Variants in CTBS observed in about 807,000 individuals in gnomAD.
The protein encoded by CTBS is di-N-acetylchitobiase.
A neutral mutation model predicts 44.3 loss-of-function variants in CTBS; 35 were observed. The ratio of observed to expected loss-of-function variants is 0.79; its 90% CI spans 0.60 to 1.05. The LOEUF is 1.05. Ranked by LOEUF, CTBS falls within the 50% of genes least tolerant of loss-of-function variation. CTBS has a pLI of 0.00. For missense variants in CTBS, 458 were observed against 475.3 expected, an observed-to-expected ratio of 0.96 and a Z score of 0.34; for synonymous variants, 143 against 168.0, an observed-to-expected ratio of 0.85 and a Z score of 1.15.
Position 84,574,368 on chromosome 1 carries a change from C to A in CTBS, c.48G>T (p.Pro16=). ...LRRWRLVSSP[P]SGVPGLALLA... The stretch of plus-strand genomic sequence containing the variant: ...GCAGCGCTAGACCCGGGACGCCGCT[C>A]GGCGGGCTAGAGACGAGGCGCCAGC... The change falls in exon 1 of 7, where the codon CCG becomes CCT. Residue 16 remains proline, a synonymous_variant. Coordinates refer to ENST00000370630, the MANE Select transcript of CTBS (RefSeq NM_004388.3). 6.4e-7 allele frequency: 1 copy of A among 1,567,870 alleles called. No homozygotes were observed. Among genetic ancestry groups the A allele is most frequent in the South Asian group, 1.2e-5 (1 of 86,180 alleles).
chr1:84,563,910 A>C, intron 4 of CTBS, 78 bp from the exon 5 acceptor site: 1 of 1,429,416 alleles, frequency 7.0e-7, no homozygotes, highest in South Asian at 1.8e-5. Context: ...GCAACCGTTC[A>C]GAATCTGTTT....
chr1:84,561,257 G>A (rs545038938), intron 6 of CTBS, among the ~76,000 whole-genome samples: 1 of 152,174 alleles, frequency 6.6e-6, no homozygotes, highest in Non-Finnish European at 1.5e-5. Flanking sequence ...ATGACATTGA[G>A]GGGTTCAAGA....
rs1230265179 is a variant in CTBS at position 84,570,724 on chromosome 1, C to A, written c.178-4G>T. 2 of 1,610,968 alleles carry A rather than the reference C, an allele frequency of 1.2e-6. No homozygotes were observed. The stretch of plus-strand genomic sequence containing the variant: ...GTCCAACATCAAACACAAAGACCTG[C>A]CAGAACAAAGATGAGCACCATCATT... On this transcript the variant is annotated splice_polypyrimidine_tract_variant and splice_region_variant and intron_variant, in intron 1 of 6. Coordinates refer to ENST00000370630, the MANE Select transcript of CTBS (RefSeq NM_004388.3).
intron 6 of CTBS, among the ~76,000 whole-genome samples, chr1:84,561,706 C>T (rs1310662431): frequency 6.6e-6 from 1 of 152,148 alleles, no homozygotes; most frequent in Non-Finnish European, 1.5e-5. Flanking sequence ...CAACCACCAC[C>T]CTGATCAGTC....
chr1:84,558,293 CT>C (rs369890996), intron 6 of CTBS, among the ~76,000 whole-genome samples: 26,539 of 145,624 alleles, frequency 0.18, 2,443 homozygotes, highest in South Asian at 0.29. Context: ...TGCCATTAAA[CT>C]TTTTTTTTTT....
At position 84,551,153 on chromosome 1, in the gene CTBS, T is replaced by C; in HGVS notation, c.*3846A>G. 1 of 985,284 alleles carries C rather than the reference T, an allele frequency of 1.0e-6. No individual in the cohort carries two copies. Among genetic ancestry groups the C allele is most frequent in the Non-Finnish European group, 1.2e-6 (1 of 829,832 alleles). The allele number at this position is 985,284 out of a possible 1,614,324, so 61.0% of individuals were successfully genotyped here. A position where few individuals can be genotyped will look rare whatever the true frequency, so the allele number is the denominator to read the frequency against. On this transcript the variant is annotated 3_prime_UTR_variant, in exon 7 of 7. Coordinates refer to ENST00000370630, the MANE Select transcript of CTBS (RefSeq NM_004388.3). Reference sequence around the variant, plus strand: ...GAAGTACATATGTATTAAAAAGCTTTTTTGTTGAACAGAAAACAGAAGATT... The same window carrying C: ...GAAGTACATATGTATTAAAAAGCTTCTTTGTTGAACAGAAAACAGAAGATT...
In CTBS at chr1:84,553,174, G is replaced by A; in HGVS notation, c.*1825C>T. 9.5e-7 allele frequency: 1 copy of A among 1,055,844 alleles called. No homozygotes were observed. Among genetic ancestry groups the A allele is most frequent in the Non-Finnish European group, 1.4e-6 (1 of 739,994 alleles). 65.4% of individuals were successfully genotyped at this position (1,055,844 alleles called of 1,614,324 possible). Reference sequence around the variant, plus strand: ...TGTAAAAAAATTTAAATATGTATTTGAACAGATTTGTTTAACCATTATTCT... The same window carrying A: ...TGTAAAAAAATTTAAATATGTATTTAAACAGATTTGTTTAACCATTATTCT... On this transcript the variant is annotated 3_prime_UTR_variant, in exon 7 of 7. Transcript: ENST00000370630.
chr1:84,572,416 C>T (rs1311610805), intron 1 of CTBS, among the ~76,000 whole-genome samples: 1 of 149,314 alleles, frequency 6.7e-6, no homozygotes, highest in Non-Finnish European at 1.5e-5. Context: ...TACTAAGAGC[C>T]TGTGATATAA....
chr1:84,566,093 T>G, intron 3 of CTBS, 81 bp from the exon 4 acceptor site: 1 of 825,918 alleles, frequency 1.2e-6, no homozygotes, highest in Non-Finnish European at 1.7e-6. Context: ...ATATATATTT[T>G]TTACCTTATA....
rs748138502 is a variant in CTBS at position 84,570,721 on chromosome 1, C to T, written c.178-1G>A. On this transcript the variant is annotated splice_acceptor_variant, in intron 1 of 6. Transcript: ENST00000370630. LOFTEE classifies it high-confidence loss of function. ...TCTGTCCAACATCAAACACAAAGAC[C>T]TGCCAGAACAAAGATGAGCACCATC... is the stretch of plus-strand genomic sequence containing the variant. 1 of 1,611,664 alleles carries T rather than the reference C, an allele frequency of 6.2e-7. No individual in the cohort carries two copies. The highest frequency in any genetic ancestry group is 2.2e-5 in the East Asian group (1 of 44,848).
At chr1:84,557,653 A>G (rs934399018) in intron 6 of CTBS, among the ~76,000 whole-genome samples, 5 of 151,650 alleles carry the variant, frequency 3.3e-5, no homozygotes, top group African/African-American at 9.7e-5. Flanking sequence ...CAGGAGATCG[A>G]GACCATCCTG....
Position 84,550,825 on chromosome 1 carries a change from GTTT to G in CTBS, c.*4171_*4173del, listed in dbSNP as rs1684248714. Reference sequence around the variant, plus strand: ...ATATTCTCAAAAAAAATTTTAAGTAGTTTTCCTGTATTAGAATTATTAAGTCTG... The same window carrying G: ...ATATTCTCAAAAAAAATTTTAAGTAGTCCTGTATTAGAATTATTAAGTCTG... On this transcript the variant is annotated 3_prime_UTR_variant, in exon 7 of 7. Coordinates refer to ENST00000370630, the MANE Select transcript of CTBS (RefSeq NM_004388.3). 1 of 1,006,294 alleles carries G rather than the reference GTTT, an allele frequency of 9.9e-7. No individual in the cohort carries two copies. Among genetic ancestry groups the G allele is most frequent in the South Asian group, 4.6e-5 (1 of 21,756 alleles). 62.3% of individuals were successfully genotyped at this position (1,006,294 alleles called of 1,614,324 possible).
Position 84,558,927 on chromosome 1 carries a change from T to A in CTBS, c.958-3728A>T, listed in dbSNP as rs145722145. 1.7e-3 allele frequency among the ~76,000 whole-genome samples: 260 copies of A among 152,166 alleles called. 1 individual carries two copies. The highest frequency in any genetic ancestry group is 5.3e-3 in the African/African-American group (220 of 41,522). On this transcript the variant is annotated intron_variant, in intron 6 of 6. Coordinates refer to ENST00000370630, the MANE Select transcript of CTBS (RefSeq NM_004388.3). The stretch of plus-strand genomic sequence containing the variant: ...AAAAAAAGAAGAATGTGTTCCTGCA[T>A]TTTCACATTCATTAAGGAAAAAACA...
chr1:84,551,417 A>G lies in CTBS; in HGVS notation c.*3582T>C, dbSNP rs1317698746. On this transcript the variant is annotated 3_prime_UTR_variant, in exon 7 of 7. Coordinates refer to ENST00000370630, the MANE Select transcript of CTBS (RefSeq NM_004388.3). ...AAAAAAATAGAATTAGCACTGTCCA[A>G]CAGAACTTATGTGATGATAGAAATG... 2.1e-5 allele frequency: 10 copies of G among 484,702 alleles called. No individual in the cohort carries two copies. Among genetic ancestry groups the G allele is most frequent in the Non-Finnish European group, 5.4e-6 (2 of 372,764 alleles). The allele number at this position is 484,702 out of a possible 1,614,324, so 30.0% of individuals were successfully genotyped here.
At chr1:84,556,091 C>T (rs529240552) in intron 6 of CTBS, 1 of 152,078 alleles carries the variant, frequency 6.6e-6, no homozygotes, top group Non-Finnish European at 1.5e-5. Context: ...TGATTATGAG[C>T]CATAAATTAG....
chr1:84,550,899 G>C lies in CTBS; in HGVS notation c.*4100C>G. The C allele has an allele frequency of 1.0e-6, 1 of 978,484 alleles. No individual in the cohort carries two copies. The highest frequency in any genetic ancestry group is 1.2e-6 in the Non-Finnish European group (1 of 823,766). 60.6% of individuals were successfully genotyped at this position (978,484 alleles called of 1,614,324 possible). The stretch of plus-strand genomic sequence containing the variant: ...CTGAACTGACATTTAATTTTTTATG[G>C]GTAATCGTTTCATTTTTTCTGGTTA... On this transcript the variant is annotated 3_prime_UTR_variant, in exon 7 of 7. Coordinates refer to ENST00000370630, the MANE Select transcript of CTBS (RefSeq NM_004388.3).
Position 84,553,184 on chromosome 1 carries a change from G to T in CTBS, c.*1815C>A. On this transcript the variant is annotated 3_prime_UTR_variant, in exon 7 of 7. Transcript: ENST00000370630. ...TTTAAATATGTATTTGAACAGATTT[G>T]TTTAACCATTATTCTCCTTGGCAAT... The T allele has an allele frequency of 1.0e-6, 1 of 968,382 alleles. No homozygotes were observed. The highest frequency in any genetic ancestry group is 1.5e-6 in the Non-Finnish European group (1 of 668,014). The allele number at this position is 968,382 out of a possible 1,614,324, so 60.0% of individuals were successfully genotyped here.
At chr1:84,560,159 G>C (rs962101202) in intron 6 of CTBS, among the ~76,000 whole-genome samples, 3 of 150,558 alleles carry the variant, frequency 2.0e-5, no homozygotes, top group Non-Finnish European at 3.0e-5. Flanking sequence ...AGAGAAACTA[G>C]AATCCCTCTT....
intron 4 of CTBS, 108 bp downstream of exon 4, chr1:84,565,733 A>G (rs1451153008): frequency 3.6e-6 from 2 of 557,546 alleles, no homozygotes; most frequent in Non-Finnish European, 5.2e-6. Context: ...CAAGCCTTAC[A>G]ATTGAAAAAC....
Sources: allele counts gnomAD v4.1 joint callset (sites outside exome capture counted in the v4.1 genomes callset), GRCh38; gene constraint gnomAD v4.1.1; transcripts MANE v1.5; gene names NCBI Gene and HGNC (gene_info 2026-07-23, HGNC 2026-07-21).